COL5A1: variants seen among roughly 807,000 people sequenced by gnomAD.
The protein encoded by COL5A1 is collagen type V alpha 1 chain, also known as collagen alpha-1(V) chain.
Under a neutral mutation model 263.7 loss-of-function variants are expected in COL5A1, and 16 were observed. That is an observed-to-expected ratio of 0.06 (90% CI 0.04 to 0.09). The LOEUF (loss-of-function observed/expected upper bound fraction) is 0.09, where lower values mean the gene tolerates loss of function less well. COL5A1 is among the 10% of genes least tolerant of loss of function. The probability of loss-of-function intolerance (pLI) is 1.00; values close to 1 mark genes in which losing one functional copy is unlikely to be tolerated. For missense variants in COL5A1, 2,036 were observed against 2,540.5 expected (o/e 0.80, Z 4.27); for synonymous variants, 1,012 against 1,004.5 (o/e 1.01, Z -0.14).
chr9:134,784,537 G>A (rs1380899582), intron 29 of COL5A1, among the ~76,000 whole-genome samples: 1 of 152,238 alleles, frequency 6.6e-6, no homozygotes, highest in Non-Finnish European at 1.5e-5. Context: ...GTTATGCCCA[G>A]GTAACTGCCC....
intron 1 of COL5A1, among the ~76,000 whole-genome samples, chr9:134,685,016 ATCCAT>A (rs1832969665): frequency 6.5e-4 from 95 of 146,208 alleles, no homozygotes; most frequent in Middle Eastern, 4.1e-3. Flanking sequence ...TAATTGATCC[ATCCAT>A]CCATCCATCC....
chr9:134,837,740 T>G (rs758027426), intron 65 of COL5A1, among the ~76,000 whole-genome samples: 8 of 151,898 alleles, frequency 5.3e-5, no homozygotes, highest in Non-Finnish European at 1.0e-4. Flanking sequence ...TTGCAAGACA[T>G]TCCACTTTGC....
At chr9:134,667,368 G>A (rs937662279) in intron 1 of COL5A1, among the ~76,000 whole-genome samples, 3 of 152,234 alleles carry the variant, frequency 2.0e-5, no homozygotes, top group African/African-American at 4.8e-5. Flanking sequence ...GACCACCAGG[G>A]CCTTCTTCAG....
intron 1 of COL5A1, among the ~76,000 whole-genome samples, chr9:134,645,359 CA>C (rs1564361732): frequency 1.3e-5 from 2 of 152,264 alleles, no homozygotes; most frequent in African/African-American, 2.4e-5. Context: ...TGGACCGCCC[CA>C]TCCCACCTCC....
Position 134,731,506 on chromosome 9 carries a change from C to T in COL5A1, c.1175C>T (p.Pro392Leu), listed in dbSNP as rs1290737803. Reference protein sequence around the residue: ...DTSNSSNPAPPPGEGADDLEG... With the variant: ...DTSNSSNPAPLPGEGADDLEG... ...CCTCTCCCTCTGCAGCCAGCTCCGC[C>T]TCCAGGGGAAGGTGCGGATGACTTG... is the stretch of plus-strand genomic sequence containing the variant. Residue 392 changes from proline (P) to leucine (L), a missense_variant, in exon 8 of 66, where the codon CCT becomes CTT. Around this residue, in one of 3 missense-constraint regions of COL5A1, gnomAD observed 600 missense variants for 634.5 expected, o/e 0.95. Coordinates refer to ENST00000371817, the MANE Select transcript of COL5A1 (RefSeq NM_000093.5). 17 of 1,614,092 alleles carry T rather than the reference C, an allele frequency of 1.1e-5. No homozygotes were observed. Among genetic ancestry groups the T allele is most frequent in the Non-Finnish European group, 1.4e-5 (16 of 1,180,030 alleles).
intron 32 of COL5A1, among the ~76,000 whole-genome samples, chr9:134,791,872 T>G (rs908420998): frequency 1.3e-5 from 2 of 152,186 alleles, no homozygotes; most frequent in African/African-American, 2.4e-5. Context: ...CAGACATCCC[T>G]CTGGCATCCA....
chr9:134,769,102 ATTATTCCG>A (rs1554796638), intron 25 of COL5A1, among the ~76,000 whole-genome samples: 3 of 152,230 alleles, frequency 2.0e-5, no homozygotes, highest in Non-Finnish European at 4.4e-5. Context: ...TTTGGTTTTG[ATTATTCCG>A]TTAATGCTGA....
intron 64 of COL5A1, among the ~76,000 whole-genome samples, chr9:134,830,583 C>A (rs984216912): frequency 2.6e-5 from 4 of 152,310 alleles, no homozygotes; most frequent in African/African-American, 7.2e-5. Context: ...CCATTCAGAG[C>A]TCCTTCTAGG....
intron 61 of COL5A1, among the ~76,000 whole-genome samples, chr9:134,823,736 ATGTG>A (rs768573712): frequency 1.3e-5 from 2 of 152,102 alleles, no homozygotes; most frequent in Non-Finnish European, 2.9e-5. Context: ...TGGTATATGA[ATGTG>A]TGAACGTGTA....
chr9:134,782,004 G>A (rs960128501), intron 28 of COL5A1, among the ~76,000 whole-genome samples: 12 of 152,198 alleles, frequency 7.9e-5, no homozygotes, highest in Admixed American at 2.0e-4. Context: ...GGAGCCACCC[G>A]TGCCCTCTGC....
chr9:134,777,414 C>G (rs971089609), intron 27 of COL5A1, among the ~76,000 whole-genome samples: 11 of 152,218 alleles, frequency 7.2e-5, no homozygotes, highest in African/African-American at 2.7e-4. Flanking sequence ...GGAGTGCCCT[C>G]TAATGGGAGG....
At position 134,796,883 on chromosome 9, in the gene COL5A1, T is replaced by G. The variant is rs560755167; in HGVS notation, c.2880T>G (p.Pro960=). Residue 960 remains proline, a synonymous_variant, in exon 36 of 66, where the codon CCT becomes CCG. Transcript: ENST00000371817. ...PNGPQGPTGF[P]GPKGPPGPPG... is the part of the protein sequence containing the mutation. ...GACCCCAAGGACCCACAGGATTTCC[T>G]GGACCAAAGGGCCCCCCTGTAAGTA... 7.4e-6 allele frequency: 12 copies of G among 1,614,026 alleles called. No homozygotes were observed. The South Asian group carries it at 8.8e-5, about 12-fold the overall frequency.
chr9:134,835,091 C>A lies in COL5A1; in HGVS notation c.5257C>A (p.Gln1753Lys). ...CCACTGCTACCAGTCAGTGGCCTGG[C>A]AGGACGCAGCCACGGGCAGCTACGA... Reference protein sequence around the residue: ...TYHCYQSVAWQDAATGSYDKA... With the variant: ...TYHCYQSVAWKDAATGSYDKA... Residue 1753 changes from glutamine (Q) to lysine (K), a missense_variant, in exon 65 of 66, where the codon CAG (glutamine) becomes AAG (lysine). Gln to Lys is a moderately conservative substitution (Grantham distance 53). Around this residue, in one of 3 missense-constraint regions of COL5A1, gnomAD observed 358 missense variants for 384.6 expected, o/e 0.93. Coordinates refer to ENST00000371817, the MANE Select transcript of COL5A1 (RefSeq NM_000093.5). 6.2e-7 allele frequency: 1 copy of A among 1,613,654 alleles called. No homozygotes were observed. Among genetic ancestry groups the A allele is most frequent in the Non-Finnish European group, 8.5e-7 (1 of 1,180,026 alleles).
At position 134,786,028 on chromosome 9, in the gene COL5A1, C is replaced by A. The variant is rs752912580; in HGVS notation, c.2626C>A (p.Pro876Thr). ...CGGAGTCCCAGGGTTACCAGGGTAT[C>A]CAGGAAGACAAGGACCAAAGGTAAC... is the stretch of plus-strand genomic sequence containing the variant. The part of the protein sequence containing the change: ...KLGVPGLPGY[P>T]GRQGPKGSIG... Residue 876 changes from proline to threonine, a missense_variant, in exon 31 of 66, where the codon CCA becomes ACA. By Grantham distance (38) the Pro-to-Thr change is conservative (BLOSUM62 -1). This residue lies in a region of COL5A1 where 1,078 missense variants were observed against 1,521.4 expected (regional missense o/e 0.71). Transcript: ENST00000371817. 20 of 1,613,206 alleles carry A rather than the reference C, an allele frequency of 1.2e-5. No individual in the cohort carries two copies. The South Asian group carries it at 2.1e-4, about 17-fold the overall frequency.
chr9:134,714,640 G>GT, intron 4 of COL5A1, among the ~76,000 whole-genome samples: 1 of 141,352 alleles, frequency 7.1e-6, no homozygotes, highest in African/African-American at 2.8e-5. Context: ...TGGAGGTGAT[G>GT]GTGGTGGTGG....
At chr9:134,835,801 C>G (rs1588616372) in intron 65 of COL5A1, among the ~76,000 whole-genome samples, 1 of 152,204 alleles carries the variant, frequency 6.6e-6, no homozygotes, top group South Asian at 2.1e-4. Context: ...TTCCCACATG[C>G]ACGCCTTTCC....
chr9:134,758,413 C>A lies in COL5A1; in HGVS notation c.1935+117C>A. 1 of 1,022,636 alleles carries A rather than the reference C, an allele frequency of 9.8e-7. No homozygotes were observed. Among genetic ancestry groups the A allele is most frequent in the Non-Finnish European group, 1.5e-6 (1 of 661,422 alleles). The allele number at this position is 1,022,636 out of a possible 1,614,324, so 63.3% of individuals were successfully genotyped here. On this transcript the variant is annotated intron_variant, in intron 18 of 65. Coordinates refer to ENST00000371817, the MANE Select transcript of COL5A1 (RefSeq NM_000093.5). The surrounding 1 kb of genome is among the most constrained non-coding windows in gnomAD (Gnocchi z 4.1). ...CCTGTGGGGTCAGGTCTCCGCCATT[C>A]CAACAGTCAGTATACAAACCTCACG...
chr9:134,812,784 G>GTGTC (rs1330825859), intron 48 of COL5A1, 72 bp downstream of exon 48: 1 of 1,068,366 alleles, frequency 9.4e-7, no homozygotes, highest in South Asian at 1.3e-5. Context: ...CTGTGTGTGT[G>GTGTC]TGTCTGTGTG....
At position 134,798,401 on chromosome 9, in the gene COL5A1, T is replaced by C. The variant is rs371123249; in HGVS notation, c.2899-7T>C. The C allele has an allele frequency of 1.2e-5, 19 of 1,613,972 alleles. No homozygotes were observed. The African/African-American group carries it at 2.5e-4, about 22-fold the overall frequency. ...ATGAACCTCCTTTCCTTTGGTTTTTTCTTCAGGGCCCTCCAGGCAAGGATG... is the reference window on the plus strand; with the variant it reads ...ATGAACCTCCTTTCCTTTGGTTTTTCCTTCAGGGCCCTCCAGGCAAGGATG... On this transcript the variant is annotated splice_region_variant and splice_polypyrimidine_tract_variant and intron_variant, in intron 36 of 65. Transcript: ENST00000371817.
Sources: gnomAD v4.1 joint callset for allele counts (sites outside exome capture counted in the v4.1 genomes callset) on GRCh38, gnomAD v4.1.1 for gene constraint, gnomAD v4.1.1 regional missense constraint, Gnocchi (gnomAD v3.1) non-coding constraint, MANE v1.5 for transcripts, NCBI Gene and HGNC (gene_info 2026-07-23, HGNC 2026-07-21) for gene names.